CLASP1: variants seen among roughly 807,000 people sequenced by gnomAD.
CLASP1 encodes the protein CLIP-associating protein 1.
In CLASP1, 38 loss-of-function variants were observed where a neutral mutation model predicts 192.3. That is an observed-to-expected ratio of 0.20 (90% CI 0.15 to 0.26). CLASP1 has a LOEUF of 0.26. Ranked by LOEUF, CLASP1 falls within the 10% of genes least tolerant of loss-of-function variation. CLASP1 has a pLI of 1.00. For missense variants in CLASP1, 1,433 were observed against 1,932.5 expected (o/e 0.74, Z 4.85); for synonymous variants, 691 against 712.8 (o/e 0.97, Z 0.49).
intron 37 of CLASP1, among the ~76,000 whole-genome samples, chr2:121,353,939 C>T (rs1573661818): frequency 6.6e-6 from 1 of 152,234 alleles, no homozygotes; most frequent in African/African-American, 2.4e-5. Flanking sequence ...TACAGGCACA[C>T]ATAATATTTT....
intron 30 of CLASP1, chr2:121,388,204 A>G (rs1385670783): frequency 8.3e-6 from 2 of 239,866 alleles, no homozygotes; most frequent in East Asian, 1.9e-4. Flanking sequence ...AAGCTGGTTA[A>G]GTAGGTAAAT....
Position 121,424,804 on chromosome 2 carries a change from T to C in CLASP1, c.2212+335A>G, listed in dbSNP as rs537010890. On this transcript the variant is annotated intron_variant, in intron 22 of 39. Transcript: ENST00000263710. ...ATATAGGTTAATGTCTACTTAGTGC[T>C]AATCAGTAAAAGGAAAATGAAAAGC... is the stretch of plus-strand genomic sequence containing the variant. Among the ~76,000 whole-genome samples the C allele has an allele frequency of 3.9e-5, 6 of 152,340 alleles. No individual in the cohort carries two copies. The South Asian group carries it at 1.2e-3, about 32-fold the overall frequency.
chr2:121,421,628 C>T (rs973497582), intron 22 of CLASP1, among the ~76,000 whole-genome samples: 3 of 152,120 alleles, frequency 2.0e-5, no homozygotes, highest in Admixed American at 6.6e-5. Flanking sequence ...CTGCAACCTC[C>T]GCCTTCCAGG....
chr2:121,630,421 C>T (rs2069304692), intron 1 of CLASP1, among the ~76,000 whole-genome samples: 2 of 150,970 alleles, frequency 1.3e-5, no homozygotes, highest in Non-Finnish European at 3.0e-5. Context: ...CACACACACA[C>T]ACACGCAGAA....
intron 2 of CLASP1, among the ~76,000 whole-genome samples, chr2:121,551,267 A>G (rs868105808): frequency 6.6e-6 from 1 of 152,236 alleles, no homozygotes; most frequent in Non-Finnish European, 1.5e-5. Flanking sequence ...AAAAGCTAGA[A>G]GCATTCCCCT....
chr2:121,394,171 T>G (rs1175708636), intron 30 of CLASP1, among the ~76,000 whole-genome samples: 1 of 152,188 alleles, frequency 6.6e-6, no homozygotes, highest in Non-Finnish European at 1.5e-5. Context: ...CTCCCATGAT[T>G]GTGTTACACG....
At chr2:121,429,024 A>G (rs543835648) in intron 20 of CLASP1, among the ~76,000 whole-genome samples, 1 of 152,314 alleles carries the variant, frequency 6.6e-6, no homozygotes, top group African/African-American at 2.4e-5. Context: ...GTATCACACT[A>G]CACAATACAA....
At chr2:121,461,371 G>A (rs544132796) in intron 10 of CLASP1, among the ~76,000 whole-genome samples, 178 bp from the exon 11 acceptor site, 1 of 152,010 alleles carries the variant, frequency 6.6e-6, no homozygotes, top group African/African-American at 2.4e-5. Flanking sequence ...CACTACAAAT[G>A]TGTACCCACA....
chr2:121,548,210 T>TA (rs745310639), intron 2 of CLASP1, among the ~76,000 whole-genome samples: 11 of 152,052 alleles, frequency 7.2e-5, no homozygotes, highest in East Asian at 3.9e-4. Context: ...ATAGCCAGCA[T>TA]AAAAAAGAAC....
At chr2:121,404,263 G>A (rs1165897249) in intron 26 of CLASP1, 108 bp downstream of exon 27, 1 of 1,509,122 alleles carries the variant, frequency 6.6e-7, no homozygotes, top group Admixed American at 2.2e-5. Flanking sequence ...GACTCTGTAA[G>A]GTCGGAACTG....
intron 8 of CLASP1, among the ~76,000 whole-genome samples, chr2:121,493,875 T>C (rs1288038012): frequency 1.3e-5 from 2 of 152,244 alleles, no homozygotes; most frequent in Admixed American, 6.5e-5. Flanking sequence ...ATCAGAGAAA[T>C]GCAAATCAAA....
At chr2:121,563,924 G>C (rs1348803379) in intron 2 of CLASP1, among the ~76,000 whole-genome samples, 1 of 152,306 alleles carries the variant, frequency 6.6e-6, no homozygotes, top group East Asian at 1.9e-4. Flanking sequence ...ACAATCATGG[G>C]GGAAGGCAAG....
intron 8 of CLASP1, among the ~76,000 whole-genome samples, chr2:121,482,152 C>T (rs192380014): frequency 9.9e-4 from 151 of 152,254 alleles, no homozygotes; most frequent in African/African-American, 3.5e-3. Flanking sequence ...CTACCATGCT[C>T]AGTGAATATA....
chr2:121,463,268 G>A (rs187510998), intron 9 of CLASP1, among the ~76,000 whole-genome samples: 5 of 152,122 alleles, frequency 3.3e-5, no homozygotes, highest in Admixed American at 3.3e-4. Context: ...TGTAAAAATT[G>A]GTATCTATAG....
chr2:121,503,344 G>A, intron 7 of CLASP1, 110 bp from the exon 8 acceptor site: 1 of 644,982 alleles, frequency 1.6e-6, no homozygotes, highest in East Asian at 2.8e-5. Context: ...AAAAACAATG[G>A]TACAGACCCA....
At chr2:121,544,358 T>C (rs977131939) in intron 2 of CLASP1, among the ~76,000 whole-genome samples, 9 of 151,550 alleles carry the variant, frequency 5.9e-5, no homozygotes, top group Admixed American at 5.9e-4. Context: ...CACTGATTTT[T>C]CTCAGAGTTC....
At chr2:121,429,238 C>G (rs1249317613) in intron 20 of CLASP1, among the ~76,000 whole-genome samples, 3 of 152,176 alleles carry the variant, frequency 2.0e-5, no homozygotes, top group Non-Finnish European at 4.4e-5. Flanking sequence ...CTACAACAGA[C>G]AGACAGTTCC....
At chr2:121,529,690 T>C (rs2094701751) in intron 3 of CLASP1, among the ~76,000 whole-genome samples, 1 of 152,158 alleles carries the variant, frequency 6.6e-6, no homozygotes, top group Admixed American at 6.5e-5. Context: ...CCCTTCAAAA[T>C]AAGAGTGAAC....
chr2:121,447,517 T>C lies in CLASP1; in HGVS notation c.1742-10A>G. 2.6e-6 allele frequency: 4 copies of C among 1,547,270 alleles called. No homozygotes were observed. The highest frequency in any genetic ancestry group is 3.5e-6 in the Non-Finnish European group (4 of 1,143,718). ...GTACTAACTGTAGAAGCTTTAGTGA[T>C]AAAGGAGGAAATATGAATAAGGACT... On this transcript the variant is annotated splice_polypyrimidine_tract_variant and intron_variant, in intron 18 of 39. Coordinates refer to ENST00000263710, the Ensembl canonical transcript of CLASP1.
Sources: allele counts gnomAD v4.1 joint callset (sites outside exome capture counted in the v4.1 genomes callset), GRCh38; gene constraint gnomAD v4.1.1; transcripts MANE v1.5; gene names NCBI Gene and HGNC (gene_info 2026-07-23, HGNC 2026-07-21).